The following AXDND1 variants were observed in gnomAD, a reference collection of about 807,000 sequenced individuals.
AXDND1 encodes axonemal dynein light chain domain containing 1.
In AXDND1, 110 loss-of-function variants were observed where a neutral mutation model predicts 137.5. The observed-to-expected ratio is 0.80, with a 90% CI of 0.69 to 0.94. AXDND1 has a LOEUF of 0.94. AXDND1 is among the 40% of genes least tolerant of loss of function. The pLI is 0.00. For synonymous variants in AXDND1, 414 were observed against 399.7 expected (o/e 1.04, Z -0.43); for missense variants, 1,191 against 1,169.8 (o/e 1.02, Z -0.26).
intron 17 of AXDND1, among the ~76,000 whole-genome samples, chr1:179,469,289 C>T (rs981194200): frequency 2.6e-5 from 4 of 152,092 alleles, no homozygotes; most frequent in African/African-American, 9.7e-5. Context: ...TGTCTAACTT[C>T]TTTGACTTAG....
rs1156929407 is a variant in AXDND1, at chr1:179,421,544, T to A, written c.1231-7974T>A. ...GAATACAGGTGTGCACCACCATGCC[T>A]GGCTAATTTTTGTATTTTTAGTAGA... On this transcript the variant is annotated intron_variant, in intron 12 of 25. Transcript: ENST00000367618. Among the ~76,000 whole-genome samples, 4 of 151,598 alleles carry A rather than the reference T, an allele frequency of 2.6e-5. No individual in the cohort carries two copies. The East Asian group carries it at 7.9e-4, about 30-fold the overall frequency.
chr1:179,484,813 C>T (rs997410661), intron 18 of AXDND1, among the ~76,000 whole-genome samples: 2 of 152,206 alleles, frequency 1.3e-5, no homozygotes, highest in African/African-American at 4.8e-5. Flanking sequence ...ACTCCCCACC[C>T]CATAACCAAT....
chr1:179,450,966 A>T (rs1198972401), intron 16 of AXDND1: 2 of 152,180 alleles, frequency 1.3e-5, no homozygotes, highest in African/African-American at 4.8e-5. Context: ...AATTCTTTTT[A>T]TATGTTTCTA....
chr1:179,373,452 T>A (rs547231019), intron 4 of AXDND1, among the ~76,000 whole-genome samples: 1 of 152,344 alleles, frequency 6.6e-6, no homozygotes, highest in East Asian at 1.9e-4. Flanking sequence ...CCACTCACTT[T>A]CTTCACAGAA....
chr1:179,408,826 A>G (rs1451770828), intron 11 of AXDND1, among the ~76,000 whole-genome samples: 1 of 152,130 alleles, frequency 6.6e-6, no homozygotes, highest in Non-Finnish European at 1.5e-5. Context: ...CTACAGGTAC[A>G]CACTAGAGTG....
intron 9 of AXDND1, among the ~76,000 whole-genome samples, chr1:179,387,871 G>A (rs1451265043): frequency 6.6e-6 from 1 of 152,100 alleles, no homozygotes; most frequent in Non-Finnish European, 1.5e-5. Flanking sequence ...TCTTTCCTTG[G>A]TCTTGGGTAG....
chr1:179,542,358 G>A (rs2149399), intron 25 of AXDND1, among the ~76,000 whole-genome samples: 84,811 of 151,920 alleles, frequency 0.56, 23,924 homozygotes, highest in African/African-American at 0.63. Context: ...CTCAGCAAAA[G>A]CAGTGAAGTT....
chr1:179,459,615 T>C (rs1368269333), intron 16 of AXDND1, among the ~76,000 whole-genome samples: 3 of 151,972 alleles, frequency 2.0e-5, no homozygotes, highest in Non-Finnish European at 2.9e-5. Context: ...GAAATGTCTT[T>C]GGTATTTTCT....
chr1:179,513,355 G>A (rs1035132841), intron 21 of AXDND1, among the ~76,000 whole-genome samples: 2 of 152,040 alleles, frequency 1.3e-5, no homozygotes, highest in African/African-American at 4.8e-5. Flanking sequence ...TGTTTATGTG[G>A]TGTATCACAT....
chr1:179,386,486 C>G (rs1019799169), intron 9 of AXDND1, among the ~76,000 whole-genome samples: 8 of 151,944 alleles, frequency 5.3e-5, no homozygotes, highest in Non-Finnish European at 1.0e-4. Flanking sequence ...AAATATGGAA[C>G]ATTTTTGGCT....
chr1:179,475,828 C>A (rs1247157796), intron 17 of AXDND1, among the ~76,000 whole-genome samples: 2 of 152,146 alleles, frequency 1.3e-5, no homozygotes, highest in African/African-American at 4.8e-5. Context: ...CTCTGTTTCC[C>A]TACCCAAATC....
chr1:179,409,839 A>C (rs1050577332), intron 11 of AXDND1, among the ~76,000 whole-genome samples: 5 of 152,194 alleles, frequency 3.3e-5, no homozygotes, highest in African/African-American at 1.2e-4. Context: ...GAAACAAAAC[A>C]AAAATAATAT....
At chr1:179,404,916 T>A (rs12405874) in intron 11 of AXDND1, among the ~76,000 whole-genome samples, 17,316 of 152,004 alleles carry the variant, frequency 0.11, 1,176 homozygotes, top group East Asian at 0.34. Context: ...TTTTTTTTTT[T>A]TAATTATACT....
intron 12 of AXDND1, among the ~76,000 whole-genome samples, chr1:179,417,729 TA>T (rs547068763): frequency 2.6e-4 from 39 of 150,296 alleles, no homozygotes; most frequent in Admixed American, 5.3e-4. Flanking sequence ...TTTTAGGATT[TA>T]AAAAAAAAAT....
intron 9 of AXDND1, among the ~76,000 whole-genome samples, chr1:179,386,277 T>G (rs527444000): frequency 8.5e-5 from 13 of 152,250 alleles, no homozygotes; most frequent in Admixed American, 3.9e-4. Flanking sequence ...CTCGAACTCC[T>G]GACCTCGTGA....
chr1:179,366,414 C>A lies in AXDND1; in HGVS notation c.-96C>A. ...TTCCTCTGCCTGCAGGACTATGTGG[C>A]AGCCTGCAAGTCCCAGTGCGGCGCT... On this transcript the variant is annotated 5_prime_UTR_variant, in exon 2 of 26. Coordinates refer to ENST00000367618, the MANE Select transcript of AXDND1 (RefSeq NM_144696.6). The A allele has an allele frequency of 1.1e-6, 1 of 884,458 alleles. No individual in the cohort carries two copies. Among genetic ancestry groups the A allele is most frequent in the Non-Finnish European group, 1.8e-6 (1 of 543,308 alleles). The allele number at this position is 884,458 out of a possible 1,614,324, so 54.8% of individuals were successfully genotyped here.
At chr1:179,411,350 T>A (rs1306617311) in intron 12 of AXDND1, 84 bp downstream of exon 12, 1 of 1,543,642 alleles carries the variant, frequency 6.5e-7, no homozygotes, top group Non-Finnish European at 8.8e-7. Flanking sequence ...TTTTTTGTTT[T>A]GTTTTGTTTT....
chr1:179,432,460 C>T (rs1657526580), intron 15 of AXDND1, 118 bp downstream of exon 15: 2 of 1,348,804 alleles, frequency 1.5e-6, no homozygotes, highest in Non-Finnish European at 1.9e-6. Flanking sequence ...GTCTCACTCA[C>T]TGTCGCCCAG....
intron 12 of AXDND1, among the ~76,000 whole-genome samples, chr1:179,422,661 T>C (rs1289748741): frequency 2.0e-5 from 3 of 152,214 alleles, no homozygotes; most frequent in Admixed American, 2.0e-4. Context: ...TTAGGTCCAG[T>C]GTGTAGTTTA....
Sources: allele counts gnomAD v4.1 joint callset (sites outside exome capture counted in the v4.1 genomes callset), GRCh38; gene constraint gnomAD v4.1.1; transcripts MANE v1.5; gene names NCBI Gene and HGNC (gene_info 2026-07-23, HGNC 2026-07-21).